Variants in SLC30A3 observed in about 807,000 individuals in gnomAD.
The protein encoded by SLC30A3 is probable proton-coupled zinc antiporter SLC30A3.
A neutral mutation model predicts 35.6 loss-of-function variants in SLC30A3; 20 were observed. The ratio of observed to expected loss-of-function variants is 0.56; its 90% CI spans 0.39 to 0.82. SLC30A3 has a LOEUF of 0.82. SLC30A3 is among the 40% of genes least tolerant of loss of function. The pLI, the probability that SLC30A3 is intolerant of heterozygous loss-of-function variation, is 0.00. For missense variants in SLC30A3, 401 were observed against 530.6 expected (o/e 0.76, Z 2.40); for synonymous variants, 217 against 224.7 (o/e 0.97, Z 0.31).
chr2:27,254,930 T>C lies in SLC30A3; in HGVS notation c.*382A>G, dbSNP rs563704050. On this transcript the variant is annotated 3_prime_UTR_variant, in exon 8 of 8. Coordinates refer to ENST00000233535, the MANE Select transcript of SLC30A3 (RefSeq NM_003459.5). ...CAGGCATAGGCACACCAACAGCACA[T>C]AGACAGGCAGATGCCCCCAGCCAGC... The C allele has an allele frequency of 5.9e-5, 33 of 554,726 alleles. No homozygotes were observed. The highest frequency in any genetic ancestry group is 3.9e-4 in the African/African-American group (20 of 50,656). The allele number at this position is 554,726 out of a possible 1,614,324, so 34.4% of individuals were successfully genotyped here. A position where few individuals can be genotyped will look rare whatever the true frequency, so the allele number is the denominator to read the frequency against.
At chr2:27,273,372 AG>A (rs1351655167) in intron 1 of SLC30A3, among the ~76,000 whole-genome samples, 2 of 152,206 alleles carry the variant, frequency 1.3e-5, no homozygotes, top group Non-Finnish European at 2.9e-5. Context: ...TTGGAGAGGG[AG>A]GGGCAGGACC....
At chr2:27,275,160 G>T (rs1467004215) in intron 1 of SLC30A3, 1 of 1,300,484 alleles carries the variant, frequency 7.7e-7, no homozygotes, top group East Asian at 5.6e-5. Context: ...CTTAAGAAGG[G>T]CATGCAGCAG....
At position 27,256,827 on chromosome 2, in the gene SLC30A3, C is replaced by T. The variant is rs1400202057; in HGVS notation, c.844G>A (p.Ala282Thr). The change falls in exon 6 of 8, where the codon GCT becomes ACT. Residue 282 changes from alanine (A) to threonine (T), a missense_variant. Coordinates refer to ENST00000233535, the MANE Select transcript of SLC30A3 (RefSeq NM_003459.5). ...CGAAGAACGTCTCGGAGGGTGGGAG[C>T]GGTGGATCCAAGGGCACAGATGGAG... is the stretch of plus-strand genomic sequence containing the variant. ...LFSICALGST[A>T]PTLRDVLRIL... 5.0e-6 allele frequency: 8 copies of T among 1,605,590 alleles called. No individual in the cohort carries two copies. The highest frequency in any genetic ancestry group is 1.4e-5 in the African/African-American group (1 of 73,902).
upstream of SLC30A3, chr2:27,264,120 TC>T (rs1200491606): frequency 6.6e-6 from 8 of 1,214,850 alleles, no homozygotes; most frequent in South Asian, 1.0e-4. This position sits in a 1 kb window ranked among gnomAD's most constrained non-coding sequence, Gnocchi z 6.1. Context: ...GATTGTGCAC[TC>T]GAAGCTGTGA....
intron 1 of SLC30A3, among the ~76,000 whole-genome samples, chr2:27,259,803 G>T (rs1677083948): frequency 6.6e-6 from 1 of 152,144 alleles, no homozygotes; most frequent in Admixed American, 6.5e-5. Flanking sequence ...GATTCCTACT[G>T]ATCTCTGAGA....
Position 27,257,201 on chromosome 2 carries a change from G to A in SLC30A3, c.730C>T (p.Leu244=). Residue 244 remains leucine (L), a synonymous_variant, in exon 5 of 8, where the codon CTG becomes TTG. Transcript: ENST00000233535. This position sits in a 1 kb window ranked among gnomAD's most constrained non-coding sequence, Gnocchi z 4.7. ...GCAGCCAGTACCCCAAAGCTCTGCA[G>A]GAGGTCCCCCAGCACGTGCACAAAT... The part of the protein sequence containing the change: ...AAFVHVLGDL[L]QSFGVLAASI... The A allele has an allele frequency of 6.2e-7, 1 of 1,614,086 alleles. No homozygotes were observed. The highest frequency in any genetic ancestry group is 8.5e-7 in the Non-Finnish European group (1 of 1,179,992).
In SLC30A3 at chr2:27,262,717, C is replaced by T. The variant is rs1326816139; in HGVS notation, c.95+95G>A. On this transcript the variant is annotated intron_variant, in intron 1 of 7. Transcript: ENST00000233535. The surrounding 1 kb of genome is among the most constrained non-coding windows in gnomAD (Gnocchi z 7.5). ...GCGAGGGACCCGCGGTGCGCTGGGG[C>T]GGCCGCCGGGGCCCGCGCCGAGAGA... 5 of 1,247,060 alleles carry T rather than the reference C, an allele frequency of 4.0e-6. No homozygotes were observed. Among genetic ancestry groups the T allele is most frequent in the African/African-American group, 1.6e-5 (1 of 62,192 alleles). 77.2% of individuals were successfully genotyped at this position (1,247,060 alleles called of 1,614,324 possible). A position where few individuals can be genotyped will look rare whatever the true frequency, so the allele number is the denominator to read the frequency against.
chr2:27,273,092 AGTGTGT>A (rs58847409), intron 1 of SLC30A3, among the ~76,000 whole-genome samples: 4,945 of 140,862 alleles, frequency 0.035, 268 homozygotes, highest in African/African-American at 0.12. Flanking sequence ...ACATATACAC[AGTGTGT>A]GTGTGTGTGT....
At chr2:27,256,767 G>T in intron 6 of SLC30A3, 21 bp downstream of exon 6, 1 of 1,534,244 alleles carries the variant, frequency 6.5e-7, no homozygotes, top group Non-Finnish European at 9.0e-7. Context: ...CAGGGATGGG[G>T]AGCTGTGGTG....
Position 27,254,987 on chromosome 2 carries a change from G to T in SLC30A3, c.*325C>A. ...GCCACACAGACAAATGGACTGCAGG[G>T]AAAGGATGTTCGTGGCTCCACATGA... is the stretch of plus-strand genomic sequence containing the variant. On this transcript the variant is annotated 3_prime_UTR_variant, in exon 8 of 8. Coordinates refer to ENST00000233535, the MANE Select transcript of SLC30A3 (RefSeq NM_003459.5). The T allele has an allele frequency of 9.7e-7, 1 of 1,031,758 alleles. No homozygotes were observed. The highest frequency in any genetic ancestry group is 1.3e-6 in the Non-Finnish European group (1 of 778,832). 63.9% of individuals were successfully genotyped at this position (1,031,758 alleles called of 1,614,324 possible). A position where few individuals can be genotyped will look rare whatever the true frequency, so the allele number is the denominator to read the frequency against.
Position 27,257,307 on chromosome 2 carries a change from C to A in SLC30A3, c.624G>T (p.Gly208=). Residue 208 remains glycine (G), a synonymous_variant, in exon 5 of 8, where the codon GGG becomes GGT. Coordinates refer to ENST00000233535, the MANE Select transcript of SLC30A3 (RefSeq NM_003459.5). The surrounding 1 kb of genome is among the most constrained non-coding windows in gnomAD (Gnocchi z 4.7). The part of the protein sequence containing the change: ...LHQAGPPHSH[G]SRGAEYAPLE... ...GCGGTGCATACTCTGCTCCCCTAGA[C>A]CCGTGGCTGTGGGGGGGCCCAGCCT... 1 of 1,613,824 alleles carries A rather than the reference C, an allele frequency of 6.2e-7. No individual in the cohort carries two copies. Among genetic ancestry groups the A allele is most frequent in the Non-Finnish European group, 8.5e-7 (1 of 1,179,870 alleles).
upstream of SLC30A3, chr2:27,275,586 C>G: frequency 3.3e-6 from 1 of 299,986 alleles, no homozygotes; most frequent in Non-Finnish European, 6.5e-6. Context: ...GGAGTCGGCA[C>G]AGGGCCAGAG....
rs1677257153 is a variant in SLC30A3, at chr2:27,262,533, G to A, written c.95+279C>T. Among the ~76,000 whole-genome samples the A allele has an allele frequency of 6.6e-6, 1 of 152,088 alleles. No individual in the cohort carries two copies. Among genetic ancestry groups the A allele is most frequent in the Non-Finnish European group, 1.5e-5 (1 of 67,994 alleles). On this transcript the variant is annotated intron_variant, in intron 1 of 7. Transcript: ENST00000233535. This position sits in a 1 kb window ranked among gnomAD's most constrained non-coding sequence, Gnocchi z 7.5. ...GCTGCTCCCAGGGAAGGCAGGCGCC[G>A]CGGGGGTGGCGGAGGGGTCCGGCGG... is the stretch of plus-strand genomic sequence containing the variant.
At chr2:27,263,154 C>T (rs1203119185), upstream of SLC30A3, 1 of 1,303,766 alleles carries the variant, frequency 7.7e-7, no homozygotes, top group East Asian at 3.2e-5. Context: ...TCTCCCCACC[C>T]TTAAGCCCCG....
upstream of SLC30A3, among the ~76,000 whole-genome samples, chr2:27,265,898 T>C (rs1183348471): frequency 6.6e-6 from 1 of 151,896 alleles, no homozygotes; most frequent in Non-Finnish European, 1.5e-5. The surrounding 1 kb of genome is among the most constrained non-coding windows in gnomAD (Gnocchi z 5.9). Flanking sequence ...GCTAGTTGAG[T>C]GGAAGCAGGA....
rs1335513221 is a variant in SLC30A3, at chr2:27,262,902, T to G, written c.5A>C (p.Glu2Ala). The G allele has an allele frequency of 6.4e-7, 1 of 1,556,832 alleles. No individual in the cohort carries two copies. Among genetic ancestry groups the G allele is most frequent in the African/African-American group, 1.4e-5 (1 of 69,374 alleles). ...CAAGCCCCCAGCGGCTGGAGAGGGC[T>G]CCATGTTCCCGGTGCCCCGACCGTC... M[E>A]PSPAAGGLET... is the part of the protein sequence containing the mutation. Residue 2 changes from glutamate (E) to alanine (A), a missense_variant, in exon 1 of 8, where the codon GAG becomes GCG. Glu to Ala is a moderately radical substitution (Grantham distance 107, BLOSUM62 -1). Around this residue, in one of 3 missense-constraint regions of SLC30A3, gnomAD observed 103 missense variants for 120.7 expected, o/e 0.85. Transcript: ENST00000233535. This position sits in a 1 kb window ranked among gnomAD's most constrained non-coding sequence, Gnocchi z 7.5.
intron 1 of SLC30A3, 72 bp from the exon 2 acceptor site, chr2:27,259,006 C>T (rs1558560372): frequency 1.6e-6 from 2 of 1,231,000 alleles, no homozygotes; most frequent in Middle Eastern, 2.9e-4. Context: ...TCCTTAGTCC[C>T]CAGTGCTGGC....
intron 7 of SLC30A3, 156 bp downstream of exon 7, chr2:27,256,226 ATGTG>A: frequency 1.2e-5 from 9 of 759,662 alleles, no homozygotes; most frequent in Non-Finnish European, 1.3e-5. Flanking sequence ...GCGCACGTGC[ATGTG>A]TGTGTGTGTG....
intron 1 of SLC30A3, among the ~76,000 whole-genome samples, chr2:27,261,220 A>G (rs1677167960): frequency 1.3e-5 from 2 of 152,212 alleles, no homozygotes; most frequent in Non-Finnish European, 2.9e-5. Context: ...TCAAAGGAAC[A>G]TAAAGGGAGA....
Sources: allele counts gnomAD v4.1 joint callset (sites outside exome capture counted in the v4.1 genomes callset), GRCh38; gene constraint gnomAD v4.1.1; regional missense constraint gnomAD v4.1.1; non-coding constraint Gnocchi (gnomAD v3.1); transcripts MANE v1.5; gene names NCBI Gene and HGNC (gene_info 2026-07-23, HGNC 2026-07-21).